The following KALRN variants were observed in gnomAD, a reference collection of about 807,000 sequenced individuals.
The protein encoded by KALRN is kalirin RhoGEF kinase.
In KALRN, 70 loss-of-function variants were observed where a neutral mutation model predicts 353.7. That is an observed-to-expected ratio of 0.20 (90% CI 0.16 to 0.24). KALRN has a LOEUF of 0.24. KALRN is among the 10% of genes least tolerant of loss of function. The probability of loss-of-function intolerance (pLI) is 1.00; values close to 1 mark genes in which losing one functional copy is unlikely to be tolerated. For synonymous variants in KALRN, 1,391 were observed against 1,434.8 expected, an observed-to-expected ratio of 0.97 and a Z score of 0.69; for missense variants, 2,791 against 3,756.7, an observed-to-expected ratio of 0.74 and a Z score of 6.72.
intron 34 of KALRN, among the ~76,000 whole-genome samples, chr3:124,587,501 G>A (rs1194364898): frequency 4.6e-5 from 7 of 152,156 alleles, no homozygotes; most frequent in Admixed American, 4.6e-4. Context: ...AGCTACATTG[G>A]GATTTCTCTG....
chr3:124,271,272 G>A (rs1238273957), intron 5 of KALRN, among the ~76,000 whole-genome samples: 3 of 152,230 alleles, frequency 2.0e-5, no homozygotes, highest in East Asian at 1.9e-4. Flanking sequence ...GGAGACTTAG[G>A]TCTGCCTAGG....
At chr3:124,302,215 A>G (rs1056903081) in intron 6 of KALRN, among the ~76,000 whole-genome samples, 2 of 152,244 alleles carry the variant, frequency 1.3e-5, no homozygotes, top group Admixed American at 6.5e-5. Context: ...TGAACAAGAC[A>G]GAGATGATTA....
At chr3:124,469,919 A>G (rs993666066) in intron 25 of KALRN, among the ~76,000 whole-genome samples, 4 of 152,226 alleles carry the variant, frequency 2.6e-5, no homozygotes, top group African/African-American at 7.2e-5. Context: ...GACCAAATTC[A>G]TCTTCAGAGA....
At chr3:124,582,332 T>C (rs139071392) in intron 34 of KALRN, among the ~76,000 whole-genome samples, 178 of 152,306 alleles carry the variant, frequency 1.2e-3, no homozygotes, top group Non-Finnish European at 1.7e-3. Context: ...ACATGAGCAA[T>C]TTGAACTGTA....
chr3:124,057,727 C>T (rs1249218448), intron 1 of KALRN, among the ~76,000 whole-genome samples: 1 of 152,248 alleles, frequency 6.6e-6, no homozygotes, highest in South Asian at 2.1e-4. Flanking sequence ...CCCTACTTCT[C>T]TCTGGAACAA....
At chr3:124,693,041 AC>A (rs1017101664) in intron 51 of KALRN, among the ~76,000 whole-genome samples, 13 of 152,310 alleles carry the variant, frequency 8.5e-5, no homozygotes, top group African/African-American at 3.1e-4. Context: ...CATGGTATAT[AC>A]CAAGAGCCCT....
chr3:124,543,543 C>T (rs938276354), intron 33 of KALRN, among the ~76,000 whole-genome samples: 10 of 152,028 alleles, frequency 6.6e-5, no homozygotes, highest in Non-Finnish European at 1.0e-4. Flanking sequence ...CCTCTTGATC[C>T]GCCCACCTCG....
chr3:124,232,486 C>T (rs1463023965), intron 2 of KALRN, among the ~76,000 whole-genome samples: 1 of 152,190 alleles, frequency 6.6e-6, no homozygotes, highest in Non-Finnish European at 1.5e-5. Flanking sequence ...AGTTCAACAG[C>T]CTGCCTCAGA....
intron 6 of KALRN, among the ~76,000 whole-genome samples, chr3:124,315,442 G>A (rs1325767283): frequency 2.0e-5 from 3 of 152,102 alleles, no homozygotes; most frequent in Non-Finnish European, 4.4e-5. Context: ...ACTCATGGTT[G>A]GCACTGCCTG....
chr3:124,625,584 G>A (rs984355159), intron 34 of KALRN, among the ~76,000 whole-genome samples: 1 of 151,914 alleles, frequency 6.6e-6, no homozygotes, highest in Non-Finnish European at 1.5e-5. Flanking sequence ...AAAAGTACTG[G>A]TCCAAAATAG....
chr3:124,207,797 T>TA (rs2076540610), intron 1 of KALRN, among the ~76,000 whole-genome samples: 1 of 152,198 alleles, frequency 6.6e-6, no homozygotes, highest in South Asian at 2.1e-4. Flanking sequence ...ACTTAGGAAG[T>TA]AACCCTTAAT....
At chr3:124,123,613 T>G (rs1400462109) in intron 1 of KALRN, among the ~76,000 whole-genome samples, 2 of 152,238 alleles carry the variant, frequency 1.3e-5, no homozygotes, top group African/African-American at 4.8e-5. Context: ...ATAATTGATG[T>G]AGAAGTCTAC....
intron 33 of KALRN, among the ~76,000 whole-genome samples, chr3:124,552,449 T>C (rs1338583278): frequency 1.3e-5 from 2 of 152,196 alleles, no homozygotes; most frequent in Non-Finnish European, 2.9e-5. Flanking sequence ...TTGCCAGGTT[T>C]CTATGTGTGA....
At chr3:124,126,547 A>G (rs2064697311) in intron 1 of KALRN, among the ~76,000 whole-genome samples, 1 of 152,234 alleles carries the variant, frequency 6.6e-6, no homozygotes, top group Admixed American at 6.5e-5. Flanking sequence ...TTTAAATCCA[A>G]GATGGTGGAC....
chr3:124,517,869 A>G (rs1396828970), intron 33 of KALRN, among the ~76,000 whole-genome samples: 1 of 152,228 alleles, frequency 6.6e-6, no homozygotes, highest in Non-Finnish European at 1.5e-5. Flanking sequence ...CTTTCTCCCA[A>G]TTAAATGTTA....
intron 3 of KALRN, among the ~76,000 whole-genome samples, chr3:124,241,696 T>C (rs1428244154): frequency 6.6e-6 from 1 of 152,206 alleles, no homozygotes; most frequent in African/African-American, 2.4e-5. Context: ...AAGTCTAGCA[T>C]GTGCATAATT....
chr3:124,413,852 T>C (rs2092338602), intron 14 of KALRN, among the ~76,000 whole-genome samples, 187 bp downstream of exon 14: 3 of 152,170 alleles, frequency 2.0e-5, no homozygotes, highest in Admixed American at 6.5e-5. Context: ...ATGCCAGTAA[T>C]CCCAGCATTT....
At chr3:124,366,807 G>T (rs1267912576) in intron 10 of KALRN, among the ~76,000 whole-genome samples, 1 of 150,572 alleles carries the variant, frequency 6.6e-6, no homozygotes, top group Non-Finnish European at 1.5e-5. Context: ...CTCACCTCCC[G>T]GACGGGGTGG....
chr3:124,320,007 A>G (rs149256072), intron 6 of KALRN, among the ~76,000 whole-genome samples: 2 of 152,128 alleles, frequency 1.3e-5, no homozygotes, highest in Non-Finnish European at 2.9e-5. Flanking sequence ...AATAATAATA[A>G]TAATAATAAG....
Sources: gnomAD v4.1 joint callset for allele counts (sites outside exome capture counted in the v4.1 genomes callset) on GRCh38, gnomAD v4.1.1 for gene constraint, MANE v1.5 for transcripts, NCBI Gene and HGNC (gene_info 2026-07-23, HGNC 2026-07-21) for gene names.